MINAR1: variants seen among roughly 807,000 people sequenced by gnomAD.
MINAR1 encodes major intrinsically disordered Notch2-binding receptor 1.
MINAR1 carries 40 observed loss-of-function variants against 65.1 expected under a neutral mutation model. The ratio of observed to expected loss-of-function variants is 0.61; its 90% CI spans 0.48 to 0.80. MINAR1 has a LOEUF of 0.80. Among genes scored for constraint, MINAR1 ranks in the 30% least tolerant of loss-of-function variants. The pLI is 0.00. For missense variants in MINAR1, 1,128 were observed against 1,148.0 expected, an observed-to-expected ratio of 0.98 and a Z score of 0.25; for synonymous variants, 482 against 449.1, an observed-to-expected ratio of 1.07 and a Z score of -0.93.
the MINAR1 span, chr15:79,417,794 G>A: frequency 6.6e-6 from 1 of 152,218 alleles, no homozygotes; most frequent in Admixed American, 6.5e-5. Flanking sequence ...CTGACCATCA[G>A]GCTATTTGGT....
intron 1 of MINAR1, among the ~76,000 whole-genome samples, chr15:79,454,553 A>G (rs1438212819): frequency 6.6e-6 from 1 of 152,216 alleles, no homozygotes; most frequent in African/African-American, 2.4e-5. Flanking sequence ...ATCTATGTTT[A>G]TCAACAAAGG....
At chr15:79,411,414 T>G in the MINAR1 span, 1 of 702,500 alleles carries the variant, frequency 1.4e-6, no homozygotes, top group East Asian at 2.7e-5. Context: ...TCAGAGGAGC[T>G]TATTGGAAGG....
At position 79,458,143 on chromosome 15, in the gene MINAR1, G is replaced by A. The variant is rs1309038467; in HGVS notation, c.1996G>A (p.Ala666Thr). The A allele has an allele frequency of 2.2e-5, 36 of 1,613,994 alleles. No homozygotes were observed. The highest frequency in any genetic ancestry group is 2.2e-4 in the East Asian group (10 of 44,900). ...DDSASPRMFH[A>T]HSGSHGPKLE... ...CAGTGCCTCTCCCCGGATGTTCCAC[G>A]CACACAGTGGCTCCCACGGACCCAA... Residue 666 changes from alanine (A) to threonine (T), a missense_variant, in exon 2 of 4, where the codon GCA becomes ACA. Ala to Thr is a moderately conservative substitution (Grantham distance 58). Transcript: ENST00000305428.
At chr15:79,454,921 T>TCAAAA (rs1261083173) in intron 1 of MINAR1, among the ~76,000 whole-genome samples, 1 of 115,934 alleles carries the variant, frequency 8.6e-6, no homozygotes, top group Non-Finnish European at 1.9e-5. Flanking sequence ...ACATTTTACA[T>TCAAAA]TAAAATCTGT....
At chr15:79,428,251 T>C, upstream of MINAR1, among the ~76,000 whole-genome samples, 1 of 78,910 alleles carries the variant, frequency 1.3e-5, no homozygotes, top group Non-Finnish European at 2.3e-5. Context: ...TCTCCCTCCC[T>C]CCTTCCCTCC....
chr15:79,453,308 C>A (rs1388262249), intron 1 of MINAR1, among the ~76,000 whole-genome samples: 1 of 152,056 alleles, frequency 6.6e-6, no homozygotes, highest in Non-Finnish European at 1.5e-5. Context: ...GCCTAGTGCC[C>A]CTTCAACAGC....
At chr15:79,435,868 T>A (rs1894586047) in intron 1 of MINAR1, among the ~76,000 whole-genome samples, 1 of 152,256 alleles carries the variant, frequency 6.6e-6, no homozygotes, top group South Asian at 2.1e-4. Flanking sequence ...GAAGCATATA[T>A]ATGGTGGCTA....
At chr15:79,461,320 A>G (rs2141300515) in intron 2 of MINAR1, among the ~76,000 whole-genome samples, 1 of 152,376 alleles carries the variant, frequency 6.6e-6, no homozygotes, top group Middle Eastern at 3.4e-3. Flanking sequence ...GATAATAGCT[A>G]CAACCTCAGA....
chr15:79,457,772 A>G lies in MINAR1; in HGVS notation c.1625A>G (p.Tyr542Cys). 2 of 1,614,202 alleles carry G rather than the reference A, an allele frequency of 1.2e-6. No individual in the cohort carries two copies. The highest frequency in any genetic ancestry group is 2.2e-5 in the East Asian group (1 of 44,872). Residue 542 changes from tyrosine to cysteine, a missense_variant, in exon 2 of 4, where the codon TAC becomes TGC. By Grantham distance (194) the Tyr-to-Cys change is radical. Coordinates refer to ENST00000305428, the MANE Select transcript of MINAR1 (RefSeq NM_015206.3). Reference protein sequence around the residue: ...GSTGVIQSSCYNSTGSLSQLH... With the variant: ...GSTGVIQSSCCNSTGSLSQLH... ...ACGGGAGTGATACAGTCGTCCTGCTACAACAGCACAGGATCCTTGTCTCAG... is the reference window on the plus strand; with the variant it reads ...ACGGGAGTGATACAGTCGTCCTGCTGCAACAGCACAGGATCCTTGTCTCAG...
intron 1 of MINAR1, among the ~76,000 whole-genome samples, chr15:79,434,049 A>G (rs902042111): frequency 1.3e-5 from 2 of 152,108 alleles, no homozygotes; most frequent in African/African-American, 4.8e-5. Context: ...GGAGGGAAAA[A>G]CCTTAAATGT....
chr15:79,441,606 A>C (rs1894871372), intron 1 of MINAR1, among the ~76,000 whole-genome samples: 1 of 152,120 alleles, frequency 6.6e-6, no homozygotes, highest in East Asian at 1.9e-4. Context: ...CTTCATTTCA[A>C]GGGTATGCGT....
chr15:79,432,228 C>A (rs1894460363), upstream of MINAR1, among the ~76,000 whole-genome samples: 1 of 152,080 alleles, frequency 6.6e-6, no homozygotes, highest in Non-Finnish European at 1.5e-5. Context: ...CCCGGCTGCG[C>A]GCCGCCCCAG....
At chr15:79,436,983 G>A (rs895534625) in intron 1 of MINAR1, among the ~76,000 whole-genome samples, 1 of 152,292 alleles carries the variant, frequency 6.6e-6, no homozygotes, top group African/African-American at 2.4e-5. Context: ...GACCTTCAGT[G>A]GCTCATGTGA....
the MINAR1 span, chr15:79,420,311 GT>G: frequency 6.6e-6 from 1 of 152,172 alleles, no homozygotes; most frequent in Non-Finnish European, 1.5e-5. Context: ...CAATGTGGGT[GT>G]TTTATCGAGC....
chr15:79,437,451 G>A (rs1445002788), intron 1 of MINAR1, among the ~76,000 whole-genome samples: 2 of 149,512 alleles, frequency 1.3e-5, no homozygotes, highest in Non-Finnish European at 3.0e-5. Flanking sequence ...GTGGGTATAA[G>A]TGGTTGCTGA....
chr15:79,466,751 A>G (rs1386229530), intron 3 of MINAR1, among the ~76,000 whole-genome samples: 4 of 152,110 alleles, frequency 2.6e-5, no homozygotes, highest in Non-Finnish European at 5.9e-5. Flanking sequence ...TCAAAGGGGT[A>G]GCTAAGGAGG....
Position 79,456,762 on chromosome 15 carries a change from C to T in MINAR1, c.615C>T (p.Ser205=). 1.2e-6 allele frequency: 2 copies of T among 1,614,196 alleles called. No individual in the cohort carries two copies. The highest frequency in any genetic ancestry group is 1.7e-6 in the Non-Finnish European group (2 of 1,180,024). The part of the protein sequence containing the change: ...LQALAPYSVT[S]PQPCEMQRTY... ...CCCTGGCTCCGTACTCTGTGACCAG[C>T]CCTCAGCCCTGTGAGATGCAGAGGA... Residue 205 remains serine (S), a synonymous_variant, in exon 2 of 4, where the codon AGC becomes AGT. Transcript: ENST00000305428.
At chr15:79,446,446 C>T (rs1895020463) in intron 1 of MINAR1, among the ~76,000 whole-genome samples, 1 of 151,988 alleles carries the variant, frequency 6.6e-6, no homozygotes, top group Admixed American at 6.6e-5. Flanking sequence ...ATTTCTTTAT[C>T]TTTACTTCTG....
At chr15:79,442,806 TAAGAA>T (rs1237494583) in intron 1 of MINAR1, among the ~76,000 whole-genome samples, 2 of 152,076 alleles carry the variant, frequency 1.3e-5, no homozygotes, top group African/African-American at 2.4e-5. Context: ...TTTAAAAAAT[TAAGAA>T]AAGTACATAA....
Sources: allele counts gnomAD v4.1 joint callset (sites outside exome capture counted in the v4.1 genomes callset), GRCh38; gene constraint gnomAD v4.1.1; transcripts MANE v1.5; gene names NCBI Gene and HGNC (gene_info 2026-07-23, HGNC 2026-07-21).